Variants in BZW2 observed in about 807,000 individuals in gnomAD.
The protein encoded by BZW2 is basic leucine zipper and W2 domains 2, also known as eIF5-mimic protein 1.
Under a neutral mutation model 53.2 loss-of-function variants are expected in BZW2, and 23 were observed. That is an observed-to-expected ratio of 0.43 (90% confidence interval 0.31 to 0.61). The LOEUF (loss-of-function observed/expected upper bound fraction) is 0.61, where lower values mean the gene tolerates loss of function less well. Ranked by LOEUF, BZW2 falls within the 20% of genes least tolerant of loss-of-function variation. The pLI is 0.09. For synonymous variants in BZW2, 227 were observed against 186.4 expected, an observed-to-expected ratio of 1.22 and a Z score of -1.77; for missense variants, 409 against 503.1, an observed-to-expected ratio of 0.81 and a Z score of 1.79.
At chr7:16,673,103 C>A (rs1030423952) in intron 2 of BZW2, among the ~76,000 whole-genome samples, 2 of 152,054 alleles carry the variant, frequency 1.3e-5, no homozygotes, top group Admixed American at 1.3e-4. Flanking sequence ...CCCGCCACCA[C>A]CCCTGGCTAA....
chr7:16,679,116 G>A (rs1198503356), intron 3 of BZW2, among the ~76,000 whole-genome samples: 1 of 152,136 alleles, frequency 6.6e-6, no homozygotes, highest in Non-Finnish European at 1.5e-5. Flanking sequence ...TGCCAGGCTG[G>A]AATTTCCCAA....
intron 3 of BZW2, among the ~76,000 whole-genome samples, chr7:16,680,103 A>G (rs1782891779): frequency 6.6e-6 from 1 of 152,102 alleles, no homozygotes; most frequent in Non-Finnish European, 1.5e-5. Flanking sequence ...ATGCTATTCA[A>G]CCAGTCATGG....
rs917557347 is a variant in BZW2, at chr7:16,669,758, A to G, written c.58+4257A>G. Among the ~76,000 whole-genome samples the G allele has an allele frequency of 2.9e-4, 44 of 152,286 alleles. 1 individual carries two copies. The highest frequency in any genetic ancestry group is 9.6e-4 in the African/African-American group (40 of 41,556). The stretch of plus-strand genomic sequence containing the variant: ...TCAGAATTAGGCCCATTTCTTCTCT[A>G]TGTCAGTACAAGGGCTATGATGACT... On this transcript the variant is annotated intron_variant, in intron 2 of 11. Transcript: ENST00000258761.
rs771321407 is a variant in BZW2, at chr7:16,689,800, T to G, written c.545T>G (p.Ile182Ser). The change falls in exon 7 of 12, where the codon ATT (isoleucine) becomes AGT (serine). Residue 182 changes from isoleucine (I) to serine (S), a missense_variant. Ile to Ser is a moderately radical substitution (Grantham distance 142). Coordinates refer to ENST00000258761, the MANE Select transcript of BZW2 (RefSeq NM_014038.3). The stretch of plus-strand genomic sequence containing the variant: ...ATTCTCTTTTGTTTTTCAACAGGCA[T>G]TGCGGCCTCATTTGCTGTCAAGCTT... ...LFTDSLVKEGIAASFAVKLFK... is the reference protein window; with the variant it reads ...LFTDSLVKEGSAASFAVKLFK... 6.2e-7 allele frequency: 1 copy of G among 1,605,958 alleles called. No individual in the cohort carries two copies. Among genetic ancestry groups the G allele is most frequent in the South Asian group, 1.1e-5 (1 of 89,774 alleles).
chr7:16,646,823 G>A (rs1350327281), intron 1 of BZW2, among the ~76,000 whole-genome samples: 13 of 151,940 alleles, frequency 8.6e-5, no homozygotes, highest in Non-Finnish European at 1.9e-4. Context: ...TGTTAAAGAT[G>A]TTTGGAAACA....
chr7:16,665,334 A>G, intron 1 of BZW2, 103 bp from the exon 2 acceptor site: 8 of 1,359,278 alleles, frequency 5.9e-6, no homozygotes, highest in Non-Finnish European at 8.3e-6. Context: ...CATATTCAGT[A>G]ATGAGTGAGG....
chr7:16,673,316 A>G (rs1782667250), intron 2 of BZW2, among the ~76,000 whole-genome samples: 3 of 152,178 alleles, frequency 2.0e-5, no homozygotes, highest in Admixed American at 2.0e-4. Context: ...CTGAAGCCCC[A>G]CAAAATCAAA....
Position 16,706,180 on chromosome 7 carries a change from T to C in BZW2, c.*92T>C. On this transcript the variant is annotated 3_prime_UTR_variant, in exon 12 of 12. Coordinates refer to ENST00000258761, the MANE Select transcript of BZW2 (RefSeq NM_014038.3). ...TGAGAAGAGAAACTTGGCTTCTGTT[T>C]TCGCAAAGGAAAAAAAAAATAGGAT... The C allele has an allele frequency of 7.1e-7, 1 of 1,413,536 alleles. No homozygotes were observed. Among genetic ancestry groups the C allele is most frequent in the Admixed American group, 2.0e-5 (1 of 50,512 alleles). The allele number at this position is 1,413,536 out of a possible 1,614,324, so 87.6% of individuals were successfully genotyped here.
At chr7:16,704,706 C>G (rs930745788) in intron 11 of BZW2, 37 bp downstream of exon 11, 2 of 1,506,644 alleles carry the variant, frequency 1.3e-6, no homozygotes, top group Non-Finnish European at 1.8e-6. Flanking sequence ...GACCTTTAAA[C>G]ACTGTCTCAT....
intron 1 of BZW2, among the ~76,000 whole-genome samples, chr7:16,650,495 G>A (rs761280184): frequency 5.9e-5 from 9 of 152,186 alleles, no homozygotes; most frequent in African/African-American, 1.2e-4. Context: ...AGGACAGGGT[G>A]TGACTGGTAG....
intron 2 of BZW2, among the ~76,000 whole-genome samples, chr7:16,666,852 C>T (rs557270575): frequency 6.6e-5 from 10 of 152,172 alleles, no homozygotes; most frequent in East Asian, 1.9e-4. Flanking sequence ...TGGGTTCAAG[C>T]GATGTTCATG....
intron 2 of BZW2, among the ~76,000 whole-genome samples, chr7:16,672,980 C>G (rs968379247): frequency 6.6e-6 from 1 of 151,560 alleles, no homozygotes; most frequent in South Asian, 2.1e-4. Flanking sequence ...GAGTCTCGCT[C>G]TGTCACCCAG....
At chr7:16,691,878 CTGTGTGTGTGTG>C (rs10611881) in intron 7 of BZW2, among the ~76,000 whole-genome samples, 1 of 149,578 alleles carries the variant, frequency 6.7e-6, no homozygotes, top group Admixed American at 6.7e-5. Context: ...TTACTAGGTT[CTGTGTGTGTGTG>C]TGTGTGTGTG....
At chr7:16,692,441 C>A (rs572107733) in intron 7 of BZW2, among the ~76,000 whole-genome samples, 1 of 151,904 alleles carries the variant, frequency 6.6e-6, no homozygotes, top group Non-Finnish European at 1.5e-5. Flanking sequence ...AACTAAAAAC[C>A]GTAAAATATG....
At chr7:16,697,139 G>A (rs1783523504) in intron 9 of BZW2, 78 bp downstream of exon 9, 7 of 1,428,830 alleles carry the variant, frequency 4.9e-6, no homozygotes, top group Non-Finnish European at 6.6e-6. Context: ...GTTTGTTTGA[G>A]AGTGCAGTGG....
At chr7:16,672,655 G>T (rs766368078) in intron 2 of BZW2, among the ~76,000 whole-genome samples, 16 of 152,102 alleles carry the variant, frequency 1.1e-4, no homozygotes, top group Admixed American at 6.6e-5. Context: ...CCTTTGAGTT[G>T]AACTACAGAC....
chr7:16,675,242 C>T (rs950628682), intron 3 of BZW2, among the ~76,000 whole-genome samples: 8 of 152,154 alleles, frequency 5.3e-5, no homozygotes, highest in Non-Finnish European at 1.0e-4. Context: ...GAGTTCTTAT[C>T]GTTAGTTCCT....
intron 3 of BZW2, among the ~76,000 whole-genome samples, chr7:16,676,328 C>T (rs1362056278): frequency 6.6e-6 from 1 of 152,110 alleles, no homozygotes; most frequent in Non-Finnish European, 1.5e-5. Flanking sequence ...GCAGGCAGAT[C>T]ACCTGAGATC....
intron 2 of BZW2, among the ~76,000 whole-genome samples, chr7:16,669,332 G>A (rs1273797211): frequency 6.6e-6 from 1 of 152,024 alleles, no homozygotes; most frequent in Non-Finnish European, 1.5e-5. Context: ...TCATCATGTT[G>A]CTCAGGTTCG....
Sources: allele counts gnomAD v4.1 joint callset (sites outside exome capture counted in the v4.1 genomes callset), GRCh38; gene constraint gnomAD v4.1.1; transcripts MANE v1.5; gene names NCBI Gene and HGNC (gene_info 2026-07-23, HGNC 2026-07-21).